CDH10: variants seen among roughly 807,000 people sequenced by gnomAD.
CDH10 encodes cadherin-10.
A neutral mutation model predicts 73.1 loss-of-function variants in CDH10; 30 were observed. That is an observed-to-expected ratio of 0.41 (90% CI 0.31 to 0.56). CDH10 has a LOEUF of 0.56. Among genes scored for constraint, CDH10 ranks in the 20% least tolerant of loss-of-function variants. CDH10 has a pLI of 0.27. For synonymous variants in CDH10, 345 were observed against 348.2 expected, an observed-to-expected ratio of 0.99 and a Z score of 0.10; for missense variants, 815 against 973.7, an observed-to-expected ratio of 0.84 and a Z score of 2.17.
In CDH10 at chr5:24,640,533, G is replaced by T. The variant is rs918783877; in HGVS notation, c.-124+4061C>A. On this transcript the variant is annotated intron_variant, in intron 1 of 11. Transcript: ENST00000264463. Reference sequence around the variant, plus strand: ...TATGTTGAATCAAGACTACTTTCTTGAAAAAAAAAAAGAAAAGATTGAAAA... The same window carrying T: ...TATGTTGAATCAAGACTACTTTCTTTAAAAAAAAAAAGAAAAGATTGAAAA... Among the ~76,000 whole-genome samples the T allele has an allele frequency of 7.7e-5, 11 of 143,700 alleles. No individual in the cohort carries two copies. The East Asian group carries it at 2.2e-3, about 29-fold the overall frequency. 94.3% of individuals were successfully genotyped at this position (143,700 alleles called of 152,430 possible).
intron 2 of CDH10, among the ~76,000 whole-genome samples, chr5:24,554,774 A>C (rs1744707984): frequency 6.6e-6 from 1 of 152,128 alleles, no homozygotes; most frequent in Admixed American, 6.6e-5. Context: ...TCATAATAAT[A>C]ATTATAGAAA....
At chr5:24,602,236 G>T (rs1472274421) in intron 1 of CDH10, among the ~76,000 whole-genome samples, 1 of 152,066 alleles carries the variant, frequency 6.6e-6, no homozygotes, top group Non-Finnish European at 1.5e-5. Context: ...ATTAGTCCTT[G>T]CACCAATTAT....
rs2111602658 is a variant in CDH10 at position 24,487,826 on chromosome 5, G to A, written c.2204C>T (p.Thr735Ile). ...GGAATCATTTCCTTCATAGGCATAG[G>A]TTGCAAGTGAGTCGTAGGGGGGTGC... is the stretch of plus-strand genomic sequence containing the variant. ...PTAPPYDSLA[T>I]YAYEGNDSIA... Residue 735 changes from threonine to isoleucine, a missense_variant, in exon 12 of 12, where the codon ACC (threonine) becomes ATC (isoleucine). Transcript: ENST00000264463. 6.2e-7 allele frequency: 1 copy of A among 1,613,890 alleles called. No homozygotes were observed. Among genetic ancestry groups the A allele is most frequent in the Non-Finnish European group, 8.5e-7 (1 of 1,179,936 alleles).
At chr5:24,632,325 T>C (rs1458751581) in intron 1 of CDH10, among the ~76,000 whole-genome samples, 1 of 104,040 alleles carries the variant, frequency 9.6e-6, no homozygotes, top group Non-Finnish European at 1.9e-5. Flanking sequence ...ATTTCTATAC[T>C]CTTATATACA....
At chr5:24,496,468 A>C (rs1742293488) in intron 9 of CDH10, among the ~76,000 whole-genome samples, 1 of 152,138 alleles carries the variant, frequency 6.6e-6, no homozygotes, top group Non-Finnish European at 1.5e-5. Flanking sequence ...GGGGACTACT[A>C]ATATTACATC....
intron 2 of CDH10, among the ~76,000 whole-genome samples, chr5:24,572,935 G>GAAAAAAAAAAAAAAAAAAAAA (rs55946839): frequency 2.8e-5 from 2 of 72,098 alleles, no homozygotes; most frequent in African/African-American, 5.5e-5. Context: ...CTTAGAAAAA[G>GAAAAAAAAAAAAAAAAAAAAA]AAAAAAAAAA....
intron 2 of CDH10, among the ~76,000 whole-genome samples, chr5:24,550,131 C>CA (rs1744492601): frequency 6.6e-6 from 1 of 152,020 alleles, no homozygotes; most frequent in Admixed American, 6.5e-5. Flanking sequence ...CAATAATAGT[C>CA]ATGTCTTTGG....
rs1466070822 is a variant in CDH10, at chr5:24,554,520, G to GCA, written c.232-16848_232-16847dup. ...TGTGTGTGTGTGTGTGTGTGTGTGT[G>GCA]CACGTGCATGATTTTTCTTGATGGC... is the stretch of plus-strand genomic sequence containing the variant. On this transcript the variant is annotated intron_variant, in intron 2 of 11. Transcript: ENST00000264463. Among the ~76,000 whole-genome samples, 11 of 129,590 alleles carry GCA rather than the reference G, an allele frequency of 8.5e-5. 1 individual carries two copies. Among genetic ancestry groups the GCA allele is most frequent in the African/African-American group, 2.5e-4 (7 of 28,334 alleles). The allele number at this position is 129,590 out of a possible 152,430, so 85.0% of individuals were successfully genotyped here.
chr5:24,570,061 C>T (rs1053156524), intron 2 of CDH10, among the ~76,000 whole-genome samples: 3 of 151,970 alleles, frequency 2.0e-5, no homozygotes, highest in African/African-American at 7.2e-5. Flanking sequence ...CCACTGCGCC[C>T]GGCCAACAAG....
At chr5:24,598,437 G>C (rs1217214244) in intron 1 of CDH10, among the ~76,000 whole-genome samples, 1 of 151,336 alleles carries the variant, frequency 6.6e-6, no homozygotes, top group African/African-American at 2.4e-5. Flanking sequence ...TAGCAATATA[G>C]AGAATAATGC....
chr5:24,635,911 A>G (rs1224659599), intron 1 of CDH10, among the ~76,000 whole-genome samples: 1 of 151,926 alleles, frequency 6.6e-6, no homozygotes, highest in Admixed American at 6.6e-5. Context: ...TTGTCCGTAG[A>G]ATTAGTAAGA....
chr5:24,604,872 A>T (rs7728107), intron 1 of CDH10, among the ~76,000 whole-genome samples: 1 of 120,418 alleles, frequency 8.3e-6, no homozygotes, highest in African/African-American at 4.5e-5. Flanking sequence ...AGATGTCTCT[A>T]AAAAAAAAAA....
intron 2 of CDH10, among the ~76,000 whole-genome samples, chr5:24,550,753 T>C (rs536758045): frequency 7.5e-4 from 114 of 152,304 alleles, no homozygotes; most frequent in African/African-American, 2.5e-3. Flanking sequence ...ATCAAGCCAA[T>C]TTTTCAAAAT....
At chr5:24,488,185 T>C (rs780696583) in intron 11 of CDH10, 32 bp from the exon 12 acceptor site, 7 of 1,559,468 alleles carry the variant, frequency 4.5e-6, no homozygotes, top group Non-Finnish European at 6.1e-6. Flanking sequence ...ACATTAGACG[T>C]CCGTTCAAAA....
chr5:24,640,374 T>A (rs2112219207), intron 1 of CDH10, among the ~76,000 whole-genome samples: 1 of 151,854 alleles, frequency 6.6e-6, no homozygotes, highest in African/African-American at 2.4e-5. Context: ...TCTGAAGTGT[T>A]TAGAAATGTC....
intron 1 of CDH10, among the ~76,000 whole-genome samples, chr5:24,601,008 A>G (rs1746544246): frequency 6.6e-6 from 1 of 152,132 alleles, no homozygotes; most frequent in African/African-American, 2.4e-5. Flanking sequence ...AAATAAAAGA[A>G]GAAAGAAAAT....
At chr5:24,566,445 A>T (rs1344553256) in intron 2 of CDH10, among the ~76,000 whole-genome samples, 2 of 152,188 alleles carry the variant, frequency 1.3e-5, no homozygotes, top group Non-Finnish European at 2.9e-5. Flanking sequence ...AATAAAACAC[A>T]GTTGGTGCCT....
At chr5:24,643,731 T>C (rs1051836591) in intron 1 of CDH10, among the ~76,000 whole-genome samples, 7 of 152,170 alleles carry the variant, frequency 4.6e-5, no homozygotes, top group Admixed American at 1.3e-4. Context: ...ACTCCCCTTT[T>C]TTCATAATAA....
intron 1 of CDH10, among the ~76,000 whole-genome samples, chr5:24,600,291 T>C (rs1236548638): frequency 6.6e-6 from 1 of 152,142 alleles, no homozygotes; most frequent in Admixed American, 6.6e-5. Flanking sequence ...ATTGAAGAAA[T>C]CATTGTGTTT....
Sources: allele counts gnomAD v4.1 joint callset (sites outside exome capture counted in the v4.1 genomes callset), GRCh38; gene constraint gnomAD v4.1.1; transcripts MANE v1.5; gene names NCBI Gene and HGNC (gene_info 2026-07-23, HGNC 2026-07-21).